ATAD2B: variants seen among roughly 807,000 people sequenced by gnomAD.
ATAD2B encodes the protein ATPase family AAA domain containing 2B.
A neutral mutation model predicts 167.6 loss-of-function variants in ATAD2B; 40 were observed. The ratio of observed to expected loss-of-function variants is 0.24; its 90% confidence interval spans 0.19 to 0.31. ATAD2B has a LOEUF of 0.31. ATAD2B is among the 10% of genes least tolerant of loss of function. The probability of loss-of-function intolerance (pLI) is 1.00; values close to 1 mark genes in which losing one functional copy is unlikely to be tolerated. For missense variants in ATAD2B, 1,242 were observed against 1,757.2 expected (o/e 0.71, Z 5.24); for synonymous variants, 579 against 596.5 (o/e 0.97, Z 0.43).
chr2:23,796,763 TTTAATAGC>T (rs1257780928), intron 19 of ATAD2B, among the ~76,000 whole-genome samples: 1 of 152,180 alleles, frequency 6.6e-6, no homozygotes, highest in East Asian at 1.9e-4. Context: ...ATACCAAACA[TTTAATAGC>T]TCCATGGTTT....
At chr2:23,768,054 C>A (rs1677714545) in intron 22 of ATAD2B, among the ~76,000 whole-genome samples, 1 of 152,154 alleles carries the variant, frequency 6.6e-6, no homozygotes, top group Admixed American at 6.5e-5. Context: ...TGTGTCTCAA[C>A]AATTCTCTTT....
chr2:23,716,998 A>T, the ATAD2B span, among the ~76,000 whole-genome samples: 3 of 152,190 alleles, frequency 2.0e-5, no homozygotes, highest in African/African-American at 7.2e-5. Flanking sequence ...AGGAGGATGG[A>T]GGCGAGGATG....
rs1015948755 is a variant in ATAD2B, at chr2:23,759,698, C to A, written c.3395-1597G>T. On this transcript the variant is annotated intron_variant, in intron 24 of 27. Coordinates refer to ENST00000238789, the MANE Select transcript of ATAD2B (RefSeq NM_017552.4). ...ATCCTGTTAGCACTAACTCTTCATT[C>A]TTTTCCCCTATTAATTTCTATTTAT... 5.3e-5 allele frequency among the ~76,000 whole-genome samples: 8 copies of A among 152,258 alleles called. No individual in the cohort carries two copies. In the East Asian group the frequency reaches 1.4e-3, roughly 26 times the overall value.
At chr2:23,707,274 T>A in the ATAD2B span, 1 of 152,204 alleles carries the variant, frequency 6.6e-6, no homozygotes, top group South Asian at 2.1e-4. Flanking sequence ...GGGACAGCGG[T>A]CTGTCCTTCA....
At chr2:23,760,713 C>CACACACACACATAT (rs1676586779) in intron 24 of ATAD2B, among the ~76,000 whole-genome samples, 46 of 141,410 alleles carry the variant, frequency 3.3e-4, no homozygotes, top group African/African-American at 1.0e-3. Context: ...CACACACACA[C>CACACACACACATAT]ACACACACAC....
chr2:23,858,382 A>T (rs535208451), intron 12 of ATAD2B, among the ~76,000 whole-genome samples: 1 of 152,144 alleles, frequency 6.6e-6, no homozygotes, highest in South Asian at 2.1e-4. Context: ...CGGCCTCCCA[A>T]AGTGCTGGGA....
At chr2:23,718,835 T>A in the ATAD2B span, among the ~76,000 whole-genome samples, 16 of 152,332 alleles carry the variant, frequency 1.1e-4, no homozygotes, top group African/African-American at 3.8e-4. Flanking sequence ...TCCTGGCCCC[T>A]TCTTCCATCT....
At chr2:23,801,566 T>C (rs1020005637) in intron 18 of ATAD2B, among the ~76,000 whole-genome samples, 1 of 151,902 alleles carries the variant, frequency 6.6e-6, no homozygotes, top group African/African-American at 2.4e-5. Context: ...ACCTCTGACA[T>C]GACCAGCACT....
At chr2:23,694,349 G>A in the ATAD2B span, among the ~76,000 whole-genome samples, 2 of 152,034 alleles carry the variant, frequency 1.3e-5, no homozygotes, top group East Asian at 3.9e-4. Flanking sequence ...TAAGTGGATC[G>A]ACTTCCCTCT....
chr2:23,711,342 CTTTTTTTTTTTT>C, the ATAD2B span, among the ~76,000 whole-genome samples: 34,370 of 79,816 alleles, frequency 0.43, 7,766 homozygotes, highest in East Asian at 0.72. Context: ...GAATTTCTTT[CTTTTTTTTTTTT>C]TTTTTTTTTT....
intron 18 of ATAD2B, among the ~76,000 whole-genome samples, chr2:23,807,807 C>A (rs1572842902): frequency 1.1e-5 from 1 of 86,968 alleles, no homozygotes; most frequent in African/African-American, 4.2e-5. Context: ...CAGAGCGTGA[C>A]TCCATCTTAA....
intron 13 of ATAD2B, among the ~76,000 whole-genome samples, chr2:23,835,008 C>T (rs1305496688): frequency 6.6e-6 from 1 of 152,180 alleles, no homozygotes; most frequent in Non-Finnish European, 1.5e-5. Flanking sequence ...AAATGAGATG[C>T]CACTTCCAAA....
At chr2:23,804,224 T>C (rs1683967942) in intron 18 of ATAD2B, among the ~76,000 whole-genome samples, 2 of 152,204 alleles carry the variant, frequency 1.3e-5, no homozygotes, top group Non-Finnish European at 2.9e-5. Context: ...TCTTGCCGAA[T>C]TTGTTAGCAA....
intron 13 of ATAD2B, among the ~76,000 whole-genome samples, chr2:23,838,686 T>C (rs182164323): frequency 1.5e-3 from 223 of 152,262 alleles, no homozygotes; most frequent in Middle Eastern, 3.4e-3. Flanking sequence ...AGGTTTTTTT[T>C]CCCACCAAAG....
chr2:23,895,671 C>CAA (rs1161300123), intron 2 of ATAD2B, 148 bp downstream of exon 2: 1 of 506,100 alleles, frequency 2.0e-6, no homozygotes, highest in Non-Finnish European at 3.2e-6. Context: ...AACTTACATA[C>CAA]AAAAATTATA....
At chr2:23,705,589 T>C in the ATAD2B span, among the ~76,000 whole-genome samples, 1 of 149,720 alleles carries the variant, frequency 6.7e-6, no homozygotes, top group East Asian at 2.0e-4. Flanking sequence ...AGAAGGAAAA[T>C]ATGAGGGCCC....
chr2:23,917,635 T>C (rs558679755), intron 1 of ATAD2B, among the ~76,000 whole-genome samples: 11 of 151,384 alleles, frequency 7.3e-5, no homozygotes, highest in Admixed American at 7.3e-4. Flanking sequence ...AACTTAAAAA[T>C]ACTGAGAAGA....
intron 18 of ATAD2B, 38 bp from the exon 19 acceptor site, chr2:23,798,361 T>C (rs17509001): frequency 0.14 from 199,425 of 1,473,006 alleles, 14,259 homozygotes; most frequent in Middle Eastern, 0.21. Flanking sequence ...ACAACTCAAA[T>C]TGATTATTCT....
chr2:23,757,238 C>CTGTG (rs140633899), intron 25 of ATAD2B, among the ~76,000 whole-genome samples, 180 bp downstream of exon 25: 1 of 151,632 alleles, frequency 6.6e-6, no homozygotes, highest in Non-Finnish European at 1.5e-5. Flanking sequence ...GTGCATGCCT[C>CTGTG]TGTGTGTGTG....
Sources: allele counts gnomAD v4.1 joint callset (sites outside exome capture counted in the v4.1 genomes callset), GRCh38; gene constraint gnomAD v4.1.1; transcripts MANE v1.5; gene names NCBI Gene and HGNC (gene_info 2026-07-23, HGNC 2026-07-21).